PTK2: variants seen among roughly 807,000 people sequenced by gnomAD.
PTK2 encodes the protein focal adhesion kinase 1.
Under a neutral mutation model 150.1 loss-of-function variants are expected in PTK2, and 45 were observed. That is an observed-to-expected ratio of 0.30 (90% CI 0.24 to 0.38). The LOEUF is 0.38. Ranked by LOEUF, PTK2 falls within the 10% of genes least tolerant of loss-of-function variation. PTK2 has a pLI of 1.00. For synonymous variants in PTK2, 432 were observed against 449.2 expected (o/e 0.96, Z 0.48); for missense variants, 919 against 1,307.3 (o/e 0.70, Z 4.58).
intron 1 of PTK2, among the ~76,000 whole-genome samples, chr8:140,999,498 C>T (rs28636414): frequency 0.022 from 3,379 of 152,284 alleles, 133 homozygotes; most frequent in African/African-American, 0.078. Context: ...GATATTGGGA[C>T]ACAAACATCC....
intron 18 of PTK2, 121 bp downstream of exon 21, chr8:140,746,639 A>T: frequency 1.5e-6 from 1 of 660,072 alleles, no homozygotes; most frequent in Non-Finnish European, 2.5e-6. Context: ...AACCATAATG[A>T]CATACATCCT....
At chr8:140,856,271 A>G (rs1326739727) in intron 5 of PTK2, among the ~76,000 whole-genome samples, 2 of 152,210 alleles carry the variant, frequency 1.3e-5, no homozygotes, top group Non-Finnish European at 2.9e-5. Flanking sequence ...TAAAGGATCA[A>G]AGGGTAGATA....
chr8:140,666,717 G>C (rs1300100201), intron 30 of PTK2, among the ~76,000 whole-genome samples: 1 of 152,132 alleles, frequency 6.6e-6, no homozygotes, highest in African/African-American at 2.4e-5. Flanking sequence ...CAGAATGGTG[G>C]CTCCTCAAAA....
chr8:140,689,067 T>G (rs889642862), intron 26 of PTK2, among the ~76,000 whole-genome samples: 2 of 151,736 alleles, frequency 1.3e-5, no homozygotes, highest in African/African-American at 4.9e-5. Context: ...GAATCTTCTC[T>G]GACAGGTAAG....
intron 1 of PTK2, among the ~76,000 whole-genome samples, chr8:140,998,741 C>T (rs1371355092): frequency 6.6e-6 from 1 of 151,698 alleles, no homozygotes; most frequent in African/African-American, 2.4e-5. Flanking sequence ...ATGGCATGAA[C>T]CCGGGCAGTG....
intron 8 of PTK2, among the ~76,000 whole-genome samples, chr8:140,827,782 G>T (rs1378931391): frequency 2.0e-5 from 3 of 152,138 alleles, no homozygotes; most frequent in Non-Finnish European, 4.4e-5. Context: ...GTGTAGAGTG[G>T]AGACAGCAAC....
chr8:140,702,837 A>G, intron 24 of PTK2, 130 bp from the exon 28 acceptor site: 1 of 1,027,386 alleles, frequency 9.7e-7, no homozygotes, highest in Non-Finnish European at 1.4e-6. Flanking sequence ...AAAGATACCC[A>G]TGTTCTAATC....
intron 1 of PTK2, among the ~76,000 whole-genome samples, chr8:140,998,440 TA>T (rs1212308032): frequency 1.3e-5 from 2 of 152,156 alleles, no homozygotes; most frequent in Non-Finnish European, 2.9e-5. Context: ...TTTTCAAAAT[TA>T]TTTTTTACAT....
At chr8:140,737,805 A>G (rs1433556101) in intron 21 of PTK2, among the ~76,000 whole-genome samples, 2 of 152,368 alleles carry the variant, frequency 1.3e-5, no homozygotes, top group South Asian at 4.1e-4. Context: ...GTTTTGAAAC[A>G]TGAAATTTCT....
chr8:140,671,577 A>C (rs572745014), intron 29 of PTK2, among the ~76,000 whole-genome samples: 22 of 152,138 alleles, frequency 1.4e-4, no homozygotes, highest in African/African-American at 4.8e-4. Flanking sequence ...ACCTCTACCA[A>C]GCAGACAATG....
intron 22 of PTK2, chr8:140,732,755 C>A (rs1457681025): frequency 6.6e-6 from 2 of 303,696 alleles, no homozygotes; most frequent in Non-Finnish European, 6.6e-6. Flanking sequence ...TTGCAGCCAT[C>A]TATAGCAGCA....
chr8:140,880,726 T>C (rs1434860429), intron 3 of PTK2, among the ~76,000 whole-genome samples: 1 of 152,234 alleles, frequency 6.6e-6, no homozygotes, highest in East Asian at 1.9e-4. Flanking sequence ...CTGCTGATCA[T>C]GATAAAGGAT....
chr8:140,962,991 AAT>A lies in PTK2; in HGVS notation c.-121-37244_-121-37243del, dbSNP rs550225927. Reference sequence around the variant, plus strand: ...TTGCAGTGCAAAAGCAGCCATAGACAATATATAAACAATTTGAATGCATCCCA... The same window carrying A: ...TTGCAGTGCAAAAGCAGCCATAGACAATATAAACAATTTGAATGCATCCCA... On this transcript the variant is annotated intron_variant, in intron 1 of 31. Transcript: ENST00000522684. 3.4e-3 allele frequency among the ~76,000 whole-genome samples: 515 copies of A among 152,066 alleles called. 4 individuals are homozygous for A. The highest frequency in any genetic ancestry group is 0.012 in the African/African-American group (500 of 41,472).
At chr8:140,888,629 T>C (rs1293773405) in intron 3 of PTK2, among the ~76,000 whole-genome samples, 1 of 152,240 alleles carries the variant, frequency 6.6e-6, no homozygotes, top group Non-Finnish European at 1.5e-5. Context: ...TTTTTAACAT[T>C]GGCTAAAGGC....
At chr8:140,899,246 T>C (rs533916881) in intron 2 of PTK2, among the ~76,000 whole-genome samples, 1 of 152,294 alleles carries the variant, frequency 6.6e-6, no homozygotes, top group African/African-American at 2.4e-5. Context: ...AGGGACTTTC[T>C]AGGCTAGGAA....
Position 140,932,299 on chromosome 8 carries a change from C to A in PTK2, c.-121-6550G>T, listed in dbSNP as rs575573981. ...GTGCAATCTTGGCTCACTGCAACCA[C>A]CACCTCCCAGGTTCAAGCAATTCTC... On this transcript the variant is annotated intron_variant, in intron 1 of 31. Transcript: ENST00000522684. 2.1e-4 allele frequency among the ~76,000 whole-genome samples: 32 copies of A among 152,278 alleles called. No individual in the cohort carries two copies. The South Asian group carries it at 4.4e-3, about 21-fold the overall frequency.
intron 14 of PTK2, among the ~76,000 whole-genome samples, chr8:140,787,161 G>C (rs2100085454): frequency 6.6e-6 from 1 of 152,166 alleles, no homozygotes; most frequent in South Asian, 2.1e-4. Context: ...ACTGAAGTAT[G>C]AACTCCTAGT....
chr8:140,759,067 G>GT (rs1565797829), intron 16 of PTK2, among the ~76,000 whole-genome samples: 1 of 152,114 alleles, frequency 6.6e-6, no homozygotes, highest in African/African-American at 2.4e-5. Context: ...CTAAGTTTGC[G>GT]TAAGTATACC....
intron 27 of PTK2, among the ~76,000 whole-genome samples, chr8:140,676,779 A>G (rs2100014079): frequency 6.8e-6 from 1 of 146,034 alleles, no homozygotes. Context: ...AAAAAAAAAA[A>G]AAAAAAAAAA....
Sources: gnomAD v4.1 joint callset for allele counts (sites outside exome capture counted in the v4.1 genomes callset) on GRCh38, gnomAD v4.1.1 for gene constraint, MANE v1.5 for transcripts, NCBI Gene and HGNC (gene_info 2026-07-23, HGNC 2026-07-21) for gene names.